The following TANGO6 variants were observed in gnomAD, a reference collection of about 807,000 sequenced individuals.
TANGO6 encodes transport and golgi organization 6 homolog.
A neutral mutation model predicts 114.2 loss-of-function variants in TANGO6; 90 were observed. That is an observed-to-expected ratio of 0.79 (90% CI 0.66 to 0.94). The LOEUF (loss-of-function observed/expected upper bound fraction) is 0.94. TANGO6 is among the 40% of genes least tolerant of loss of function. The probability of loss-of-function intolerance (pLI) is 0.00; values close to 1 mark genes in which losing one functional copy is unlikely to be tolerated. For synonymous variants in TANGO6, 477 were observed against 509.8 expected, an observed-to-expected ratio of 0.94 and a Z score of 0.87; for missense variants, 1,274 against 1,315.3, an observed-to-expected ratio of 0.97 and a Z score of 0.49.
intron 11 of TANGO6, among the ~76,000 whole-genome samples, chr16:68,914,958 TACACACACACACACACACAC>T (rs3061679): frequency 7.4e-6 from 1 of 135,250 alleles, no homozygotes; most frequent in Non-Finnish European, 1.6e-5. Flanking sequence ...TTTTGATATC[TACACACACACACACACACAC>T]ACACACACAC....
At chr16:68,848,777 T>C (rs1244740791) in intron 1 of TANGO6, among the ~76,000 whole-genome samples, 21 of 152,164 alleles carry the variant, frequency 1.4e-4, no homozygotes, top group Non-Finnish European at 7.4e-5. Flanking sequence ...GTATTATGAA[T>C]CATAGATTTT....
chr16:68,984,650 T>A (rs1157443204), intron 15 of TANGO6, among the ~76,000 whole-genome samples: 1 of 152,042 alleles, frequency 6.6e-6, no homozygotes, highest in African/African-American at 2.4e-5. Context: ...GCCTCCCGAG[T>A]AGCTAGGACT....
chr16:68,959,128 T>G (rs2152208345), intron 14 of TANGO6, among the ~76,000 whole-genome samples: 1 of 152,210 alleles, frequency 6.6e-6, no homozygotes, highest in South Asian at 2.1e-4. Flanking sequence ...TTTGGAAGAG[T>G]TTTACAGTAG....
intron 12 of TANGO6, among the ~76,000 whole-genome samples, chr16:68,921,483 C>G (rs2152192086): frequency 6.6e-6 from 1 of 151,822 alleles, no homozygotes; most frequent in East Asian, 1.9e-4. Context: ...CGGCCGGAAT[C>G]ATTTTTCTTA....
chr16:68,913,972 AGAG>A (rs1962964215), intron 11 of TANGO6, among the ~76,000 whole-genome samples: 1 of 152,040 alleles, frequency 6.6e-6, no homozygotes, highest in African/African-American at 2.4e-5. Flanking sequence ...ACTGGGTGGG[AGAG>A]GAGAACTGAA....
At chr16:68,880,884 CTCCAAGCTG>C (rs1310393132) in intron 7 of TANGO6, among the ~76,000 whole-genome samples, 1 of 152,024 alleles carries the variant, frequency 6.6e-6, no homozygotes, top group African/African-American at 2.4e-5. Context: ...TAATCTAAAG[CTCCAAGCTG>C]TCTGGTTTTC....
chr16:69,083,829 C>T lies in TANGO6; in HGVS notation c.*168C>T, dbSNP rs980130007. ...GGGTCTTCAGGGTCCCTTCCGAGGGCATGTGTTCAGCACTCCCGCGTTCAG... is the reference window on the plus strand; with the variant it reads ...GGGTCTTCAGGGTCCCTTCCGAGGGTATGTGTTCAGCACTCCCGCGTTCAG... On this transcript the variant is annotated 3_prime_UTR_variant, in exon 18 of 18. Transcript: ENST00000261778. 3.0e-6 allele frequency: 2 copies of T among 667,408 alleles called. No individual in the cohort carries two copies. The highest frequency in any genetic ancestry group is 5.9e-5 in the Admixed American group (2 of 33,934). 41.3% of individuals were successfully genotyped at this position (667,408 alleles called of 1,614,324 possible). A position where few individuals can be genotyped will look rare whatever the true frequency, so the allele number is the denominator to read the frequency against.
intron 14 of TANGO6, chr16:68,948,388 A>G (rs1370826064): frequency 1.3e-5 from 2 of 152,098 alleles, no homozygotes; most frequent in Non-Finnish European, 1.5e-5. Context: ...TATTCTCCCC[A>G]TTTTACAGAT....
chr16:69,070,798 A>C (rs1960288411), intron 17 of TANGO6, among the ~76,000 whole-genome samples: 1 of 149,454 alleles, frequency 6.7e-6, no homozygotes, highest in Non-Finnish European at 1.5e-5. Context: ...TCTGAGACGG[A>C]ATTTCGCTCT....
At chr16:69,081,860 C>T (rs908315459) in intron 17 of TANGO6, among the ~76,000 whole-genome samples, 1 of 143,950 alleles carries the variant, frequency 6.9e-6, no homozygotes, top group Admixed American at 6.9e-5. Context: ...GACAGAGTCT[C>T]ACTCACTCTG....
intron 17 of TANGO6, among the ~76,000 whole-genome samples, chr16:69,047,145 C>G (rs577217870): frequency 7.0e-6 from 1 of 143,156 alleles, no homozygotes. Flanking sequence ...TGTGCAACTG[C>G]ACTCCAGCCT....
At chr16:68,990,863 G>T (rs1245921186) in intron 15 of TANGO6, among the ~76,000 whole-genome samples, 2 of 152,240 alleles carry the variant, frequency 1.3e-5, no homozygotes, top group Non-Finnish European at 2.9e-5. Flanking sequence ...AAGGAGGAAA[G>T]AAGTAATAAT....
At chr16:69,038,025 A>G (rs990286626) in intron 16 of TANGO6, among the ~76,000 whole-genome samples, 5 of 152,210 alleles carry the variant, frequency 3.3e-5, no homozygotes, top group African/African-American at 9.7e-5. Flanking sequence ...TTTAAACATG[A>G]TTTGTATTTG....
At chr16:69,029,435 TA>T (rs1959557980) in intron 16 of TANGO6, among the ~76,000 whole-genome samples, 1 of 152,220 alleles carries the variant, frequency 6.6e-6, no homozygotes, top group Non-Finnish European at 1.5e-5. Flanking sequence ...GAGTGCCTAC[TA>T]CATGCCAAGC....
chr16:68,897,477 A>T (rs1567534558), intron 7 of TANGO6, among the ~76,000 whole-genome samples: 1 of 152,232 alleles, frequency 6.6e-6, no homozygotes, highest in Non-Finnish European at 1.5e-5. Context: ...TATACGTATA[A>T]ATAGCTGTAC....
In TANGO6 at chr16:69,072,945, G is replaced by A. The variant is rs143868931; in HGVS notation, c.3109-10540G>A. ...AAAAAAATCTCAAAGATATTTCTAA[G>A]TGAAAGATTCCTCTAAAAGGAAAAA... On this transcript the variant is annotated intron_variant, in intron 17 of 17. Transcript: ENST00000261778. Among the ~76,000 whole-genome samples, 114 of 149,166 alleles carry A rather than the reference G, an allele frequency of 7.6e-4. 1 individual carries two copies. The East Asian group carries it at 0.019, about 25-fold the overall frequency.
chr16:68,918,339 G>A (rs1403975207), intron 11 of TANGO6, among the ~76,000 whole-genome samples: 3 of 152,044 alleles, frequency 2.0e-5, no homozygotes, highest in Non-Finnish European at 1.5e-5. Flanking sequence ...AGTGTCTTTC[G>A]CAGAGCAGGA....
chr16:68,936,468 G>T (rs1410978493), intron 14 of TANGO6, among the ~76,000 whole-genome samples: 2 of 152,170 alleles, frequency 1.3e-5, no homozygotes, highest in East Asian at 3.9e-4. Context: ...AAGTAGCTGG[G>T]ACTACAGGTG....
At chr16:68,928,177 G>C in intron 13 of TANGO6, 94 bp downstream of exon 13, 1 of 1,384,438 alleles carries the variant, frequency 7.2e-7, no homozygotes, top group Non-Finnish European at 9.5e-7. Context: ...GTCAAGTGCT[G>C]TTCTGGACCA....
Sources: allele counts gnomAD v4.1 joint callset (sites outside exome capture counted in the v4.1 genomes callset), GRCh38; gene constraint gnomAD v4.1.1; transcripts MANE v1.5; gene names NCBI Gene and HGNC (gene_info 2026-07-23, HGNC 2026-07-21).